Variants in KCNIP4 observed in about 807,000 individuals in gnomAD.
KCNIP4 encodes the protein Kv channel-interacting protein 4.
Under a neutral mutation model 34.0 loss-of-function variants are expected in KCNIP4, and 12 were observed. The observed-to-expected ratio is 0.35, with a 90% CI of 0.23 to 0.57. The LOEUF (loss-of-function observed/expected upper bound fraction) is 0.57, where lower values mean the gene tolerates loss of function less well. Ranked by LOEUF, KCNIP4 falls within the 20% of genes least tolerant of loss-of-function variation. The pLI is 0.83. For missense variants in KCNIP4, 238 were observed against 311.7 expected (o/e 0.76, Z 1.78); for synonymous variants, 124 against 102.2 (o/e 1.21, Z -1.29).
chr4:21,863,254 G>A (rs1263395800), intron 1 of KCNIP4, among the ~76,000 whole-genome samples: 1 of 125,344 alleles, frequency 8.0e-6, no homozygotes, highest in Non-Finnish European at 1.7e-5. Flanking sequence ...AAATTCCACG[G>A]ATTGAATTTT....
At chr4:21,426,250 A>C (rs986646084) in intron 1 of KCNIP4, among the ~76,000 whole-genome samples, 2 of 152,220 alleles carry the variant, frequency 1.3e-5, no homozygotes, top group Admixed American at 1.3e-4. Flanking sequence ...CATAGAAACC[A>C]GAGTAGTTTA....
chr4:21,482,528 A>C (rs960908905), intron 1 of KCNIP4, among the ~76,000 whole-genome samples: 43 of 152,162 alleles, frequency 2.8e-4, no homozygotes, highest in Admixed American at 1.2e-3. Flanking sequence ...CTCTCTCAGC[A>C]TTTGCTTGTC....
rs139729277 is a variant in KCNIP4 at position 20,923,420 on chromosome 4, A to T, written c.62-40711T>A. On this transcript the variant is annotated intron_variant, in intron 1 of 8. Coordinates refer to ENST00000382152, the MANE Select transcript of KCNIP4 (RefSeq NM_025221.6). ...CTTGAGAATGAGGTATCTGCAGTGG[A>T]TACTGAATCATCAATATCTTCTGCA... Among the ~76,000 whole-genome samples, 107 of 152,258 alleles carry T rather than the reference A, an allele frequency of 7.0e-4. 2 individuals carry two copies. The East Asian group carries it at 0.019, about 27-fold the overall frequency.
At chr4:21,765,728 G>C (rs1174095761) in intron 1 of KCNIP4, among the ~76,000 whole-genome samples, 4 of 149,154 alleles carry the variant, frequency 2.7e-5, no homozygotes, top group Non-Finnish European at 4.4e-5. Context: ...AGCCTCCCTA[G>C]TAGCTGGGAT....
intron 1 of KCNIP4, among the ~76,000 whole-genome samples, chr4:21,627,184 A>G (rs1026461697): frequency 6.6e-6 from 1 of 152,088 alleles, no homozygotes; most frequent in African/African-American, 2.4e-5. Flanking sequence ...AACTTTTCCA[A>G]TTACTTTGGC....
At chr4:21,283,382 C>T (rs1762901300) in intron 1 of KCNIP4, among the ~76,000 whole-genome samples, 1 of 151,974 alleles carries the variant, frequency 6.6e-6, no homozygotes, top group South Asian at 2.1e-4. Context: ...CAATCAACCA[C>T]CTATCCATTG....
Position 21,241,635 on chromosome 4 carries a change from G to T in KCNIP4, c.62-358926C>A, listed in dbSNP as rs112085514. ...ATTGGGAATTAGCTTGGGAGGGGAGGTTAATTCATATTGTGAAGAAATTTA... is the reference window on the plus strand; with the variant it reads ...ATTGGGAATTAGCTTGGGAGGGGAGTTTAATTCATATTGTGAAGAAATTTA... On this transcript the variant is annotated intron_variant, in intron 1 of 8. Transcript: ENST00000382152. Among the ~76,000 whole-genome samples the T allele has an allele frequency of 4.8e-3, 725 of 152,224 alleles. 4 individuals carry two copies. Among genetic ancestry groups the T allele is most frequent in the African/African-American group, 0.017 (688 of 41,520 alleles).
intron 1 of KCNIP4, among the ~76,000 whole-genome samples, chr4:21,723,643 A>G (rs924698058): frequency 3.3e-5 from 5 of 152,136 alleles, no homozygotes; most frequent in African/African-American, 1.2e-4. Context: ...TCAGTCATAC[A>G]TGGTTAAGGA....
At chr4:20,861,419 G>A (rs1722184887) in intron 2 of KCNIP4, among the ~76,000 whole-genome samples, 1 of 152,142 alleles carries the variant, frequency 6.6e-6, no homozygotes, top group Non-Finnish European at 1.5e-5. Context: ...GTAGAGAGCA[G>A]TCAATCCATT....
Position 21,807,339 on chromosome 4 carries a change from T to C in KCNIP4, c.61+141232A>G, listed in dbSNP as rs571664652. On this transcript the variant is annotated intron_variant, in intron 1 of 8. Coordinates refer to ENST00000382152, the MANE Select transcript of KCNIP4 (RefSeq NM_025221.6). The stretch of plus-strand genomic sequence containing the variant: ...GGGTTGGGGACCCCTGCATTAAAAG[T>C]CCAATTCTGTCCTGCATCTGGTAAT... Among the ~76,000 whole-genome samples, 14 of 152,238 alleles carry C rather than the reference T, an allele frequency of 9.2e-5. No individual in the cohort carries two copies. The South Asian group carries it at 1.7e-3, about 18-fold the overall frequency.
At chr4:21,577,986 C>G (rs761116842) in intron 1 of KCNIP4, among the ~76,000 whole-genome samples, 35 of 152,280 alleles carry the variant, frequency 2.3e-4, no homozygotes, top group Admixed American at 4.6e-4. Flanking sequence ...TTGTTATCCA[C>G]ATTTTAGAAG....
intron 1 of KCNIP4, among the ~76,000 whole-genome samples, chr4:21,898,224 T>A (rs1727507479): frequency 1.3e-5 from 2 of 152,124 alleles, no homozygotes; most frequent in Non-Finnish European, 2.9e-5. Context: ...CAAGCTGCAA[T>A]TCCTGGGCAA....
chr4:20,924,460 A>T (rs1398248491), intron 1 of KCNIP4, among the ~76,000 whole-genome samples: 2 of 152,150 alleles, frequency 1.3e-5, no homozygotes, highest in Non-Finnish European at 2.9e-5. Flanking sequence ...TCCCCTTTAT[A>T]TATTTTTAAT....
At chr4:21,298,189 T>C (rs1374044446) in intron 1 of KCNIP4, among the ~76,000 whole-genome samples, 2 of 152,162 alleles carry the variant, frequency 1.3e-5, no homozygotes, top group Non-Finnish European at 2.9e-5. Context: ...TAAGGTAAGC[T>C]TTCTTCCCTC....
chr4:21,317,152 G>A (rs1354610769), intron 1 of KCNIP4, among the ~76,000 whole-genome samples: 3 of 152,074 alleles, frequency 2.0e-5, no homozygotes, highest in East Asian at 3.9e-4. Flanking sequence ...GGAAAACTTG[G>A]CAACTGGTAT....
At chr4:21,283,910 G>A (rs1161072303) in intron 1 of KCNIP4, among the ~76,000 whole-genome samples, 1 of 151,838 alleles carries the variant, frequency 6.6e-6, no homozygotes, top group Non-Finnish European at 1.5e-5. Flanking sequence ...TAAATTGCCT[G>A]CTTTGAAATC....
chr4:20,838,148 C>T (rs62410693), intron 3 of KCNIP4, among the ~76,000 whole-genome samples: 3 of 151,998 alleles, frequency 2.0e-5, no homozygotes, highest in Admixed American at 1.3e-4. Context: ...TAACAAGCCT[C>T]TTTGGATGAA....
At chr4:20,787,879 G>A (rs145928959) in intron 3 of KCNIP4, among the ~76,000 whole-genome samples, 20 of 152,014 alleles carry the variant, frequency 1.3e-4, no homozygotes, top group African/African-American at 4.6e-4. Flanking sequence ...AACTGTCTGA[G>A]TGTCCAATTA....
chr4:21,193,488 A>C lies in KCNIP4; in HGVS notation c.62-310779T>G, dbSNP rs1755829217. On this transcript the variant is annotated intron_variant, in intron 1 of 8. Transcript: ENST00000382152. ...GAGTCAAGAATATGGAGAAACTCACATTTCTCTCATGATGGGTAATTTCTG... is the reference window on the plus strand; with the variant it reads ...GAGTCAAGAATATGGAGAAACTCACCTTTCTCTCATGATGGGTAATTTCTG... Among the ~76,000 whole-genome samples the C allele has an allele frequency of 4.6e-5, 7 of 151,574 alleles. No individual in the cohort carries two copies. In the South Asian group the frequency reaches 1.2e-3, roughly 27 times the overall value.
Sources: allele counts gnomAD v4.1 joint callset (sites outside exome capture counted in the v4.1 genomes callset), GRCh38; gene constraint gnomAD v4.1.1; transcripts MANE v1.5; gene names NCBI Gene and HGNC (gene_info 2026-07-23, HGNC 2026-07-21).